Variants in ULK4 observed in about 807,000 individuals in gnomAD.
ULK4 encodes inactive serine/threonine-protein kinase ULK4.
Under a neutral mutation model 160.6 loss-of-function variants are expected in ULK4, and 133 were observed. The observed-to-expected ratio is 0.83, with a 90% CI of 0.72 to 0.96. The LOEUF is 0.96. Among genes scored for constraint, ULK4 ranks in the 40% least tolerant of loss-of-function variants. ULK4 has a pLI of 0.00. For synonymous variants in ULK4, 534 were observed against 539.8 expected, an observed-to-expected ratio of 0.99 and a Z score of 0.15; for missense variants, 1,580 against 1,499.5, an observed-to-expected ratio of 1.05 and a Z score of -0.89.
intron 16 of ULK4, among the ~76,000 whole-genome samples, chr3:41,893,156 ACT>A (rs1698027673): frequency 6.6e-6 from 1 of 152,244 alleles, no homozygotes; most frequent in East Asian, 1.9e-4. Context: ...AGGGGAAGTT[ACT>A]GTTTAATGGG....
intron 32 of ULK4, among the ~76,000 whole-genome samples, chr3:41,515,892 G>A (rs1448461246): frequency 6.6e-6 from 1 of 152,034 alleles, no homozygotes; most frequent in Non-Finnish European, 1.5e-5. Context: ...ACTAATCAAG[G>A]GTGATAGAAA....
intron 19 of ULK4, among the ~76,000 whole-genome samples, chr3:41,816,253 T>C (rs1253990771): frequency 6.6e-6 from 1 of 152,056 alleles, no homozygotes; most frequent in Non-Finnish European, 1.5e-5. Flanking sequence ...CACACACATA[T>C]TACAGCAAAG....
At chr3:41,408,558 G>T (rs1003416257) in intron 34 of ULK4, among the ~76,000 whole-genome samples, 18 of 151,868 alleles carry the variant, frequency 1.2e-4, no homozygotes, top group African/African-American at 4.3e-4. Context: ...TAGATTCAAA[G>T]CATTCTCTAT....
At chr3:41,727,565 C>T (rs149567478) in intron 22 of ULK4, among the ~76,000 whole-genome samples, 1 of 152,332 alleles carries the variant, frequency 6.6e-6, no homozygotes, top group Non-Finnish European at 1.5e-5. Context: ...AAGCCACATG[C>T]AACATCCCAA....
intron 32 of ULK4, among the ~76,000 whole-genome samples, chr3:41,564,116 G>T (rs192442059): frequency 2.9e-3 from 445 of 152,170 alleles, no homozygotes; most frequent in African/African-American, 0.01. Context: ...TTACAGTCAG[G>T]TCCCTCAGCT....
At chr3:41,954,191 A>AAG (rs1553692354) in intron 2 of ULK4, among the ~76,000 whole-genome samples, 1 of 150,346 alleles carries the variant, frequency 6.7e-6, no homozygotes, top group African/African-American at 2.4e-5. Flanking sequence ...AAAAAAAAAA[A>AAG]AAAAGAAAAA....
At chr3:41,468,183 C>A (rs574300499) in intron 32 of ULK4, among the ~76,000 whole-genome samples, 2 of 152,004 alleles carry the variant, frequency 1.3e-5, no homozygotes, top group African/African-American at 4.8e-5. Flanking sequence ...AAAGTGCCAA[C>A]GTTCAAGGGA....
At chr3:41,849,076 C>G (rs1302506543) in intron 17 of ULK4, among the ~76,000 whole-genome samples, 1 of 152,178 alleles carries the variant, frequency 6.6e-6, no homozygotes, top group African/African-American at 2.4e-5. Flanking sequence ...ATGAAAGCAG[C>G]CTGGAGTGCT....
chr3:41,917,418 C>A (rs1206227524), intron 7 of ULK4, among the ~76,000 whole-genome samples: 1 of 152,156 alleles, frequency 6.6e-6, no homozygotes, highest in African/African-American at 2.4e-5. Flanking sequence ...TGCACCACTG[C>A]ACTCCAGCCT....
At chr3:41,495,409 C>G (rs934059004) in intron 32 of ULK4, among the ~76,000 whole-genome samples, 2 of 151,850 alleles carry the variant, frequency 1.3e-5, no homozygotes, top group Non-Finnish European at 2.9e-5. Context: ...CTTCCTTACA[C>G]CTTACACAAA....
chr3:41,349,640 G>C, intron 35 of ULK4, among the ~76,000 whole-genome samples: 1 of 152,124 alleles, frequency 6.6e-6, no homozygotes, highest in East Asian at 1.9e-4. Flanking sequence ...CCCTCCTGTA[G>C]AACTGAACTC....
chr3:41,719,238 T>C (rs1042748095), intron 22 of ULK4, among the ~76,000 whole-genome samples: 6 of 152,226 alleles, frequency 3.9e-5, no homozygotes, highest in African/African-American at 1.4e-4. Flanking sequence ...TGCTGAAGTC[T>C]ATCAAGACTG....
At chr3:41,959,237 C>T (rs1700586724) in intron 1 of ULK4, among the ~76,000 whole-genome samples, 2 of 152,004 alleles carry the variant, frequency 1.3e-5, no homozygotes, top group Admixed American at 6.6e-5. Context: ...TGGTGGCACG[C>T]GCCTGTAGTC....
chr3:41,495,262 G>A lies in ULK4; in HGVS notation c.3227-32009C>T, dbSNP rs570521849. Among the ~76,000 whole-genome samples, 889 of 152,204 alleles carry A rather than the reference G, an allele frequency of 5.8e-3. 2 individuals carry two copies. Among genetic ancestry groups the A allele is most frequent in the South Asian group, 0.011 (52 of 4,824 alleles). ...TCAATGGAACAGAACAGAGCCCTCA[G>A]AAATAATGCCGCATATCTACAACTG... On this transcript the variant is annotated intron_variant, in intron 32 of 36. Transcript: ENST00000301831.
At chr3:41,332,018 T>G (rs1241057780) in intron 35 of ULK4, among the ~76,000 whole-genome samples, 2 of 152,176 alleles carry the variant, frequency 1.3e-5, no homozygotes, top group Non-Finnish European at 2.9e-5. Flanking sequence ...AAATAGTTGT[T>G]AAAATAAAAT....
intron 31 of ULK4, among the ~76,000 whole-genome samples, chr3:41,576,506 T>C (rs151263851): frequency 1.8e-3 from 270 of 152,290 alleles, no homozygotes; most frequent in African/African-American, 6.3e-3. Context: ...CTGCTCTAAG[T>C]TGCTTGGGTA....
chr3:41,705,126 G>A lies in ULK4; in HGVS notation c.2712C>T (p.Ile904=). The part of the protein sequence containing the change: ...AIGLTASEEF[I]KITLSAFEAI... ...CTTCAAAAGCTGACAATGTGATCTT[G>A]ATAAATTCTTCTGATGCTGTCAGTC... The change falls in exon 27 of 37, where the codon ATC becomes ATT. Residue 904 remains isoleucine, a synonymous_variant. Coordinates refer to ENST00000301831, the MANE Select transcript of ULK4 (RefSeq NM_017886.4). 6.2e-7 allele frequency: 1 copy of A among 1,613,828 alleles called. No homozygotes were observed. Among genetic ancestry groups the A allele is most frequent in the Non-Finnish European group, 8.5e-7 (1 of 1,179,872 alleles).
intron 35 of ULK4, among the ~76,000 whole-genome samples, chr3:41,375,941 AAAAC>A (rs1196490861): frequency 5.3e-5 from 8 of 150,378 alleles, no homozygotes; most frequent in Admixed American, 2.0e-4. Context: ...TACGAGAAAA[AAAAC>A]AAACAACCCC....
chr3:41,255,311 G>A (rs1005696202), intron 35 of ULK4, among the ~76,000 whole-genome samples: 4 of 152,052 alleles, frequency 2.6e-5, no homozygotes, highest in Admixed American at 6.5e-5. Flanking sequence ...GTGAAACCCC[G>A]TTTCTACTAA....
Sources: allele counts gnomAD v4.1 joint callset (sites outside exome capture counted in the v4.1 genomes callset), GRCh38; gene constraint gnomAD v4.1.1; transcripts MANE v1.5; gene names NCBI Gene and HGNC (gene_info 2026-07-23, HGNC 2026-07-21).